The following PCDHGA5 variants were observed in gnomAD, a reference collection of about 807,000 sequenced individuals.
The protein encoded by PCDHGA5 is protocadherin gamma-A5.
Under a neutral mutation model 56.7 loss-of-function variants are expected in PCDHGA5, and 36 were observed. The observed-to-expected ratio is 0.64, with a 90% confidence interval of 0.49 to 0.84. The LOEUF is 0.84. Ranked by LOEUF, PCDHGA5 falls within the 40% of genes least tolerant of loss-of-function variation. The pLI is 0.00. For synonymous variants in PCDHGA5, 563 were observed against 520.2 expected (o/e 1.08, Z -1.12); for missense variants, 1,305 against 1,201.5 (o/e 1.09, Z -1.27).
Position 141,364,567 on chromosome 5 carries a change from G to C in PCDHGA5, c.237G>C (p.Pro79=). The change falls in exon 1 of 4, where the codon CCG becomes CCC. Residue 79 remains proline (P), a synonymous_variant. Coordinates refer to ENST00000518069, the MANE Select transcript of PCDHGA5 (RefSeq NM_018918.3). ...GGACGCAGCTTTTTGCCCTGAACCC[G>C]CGAAGCGGCAGCTTGGTCACCGCGG... ...RGRTQLFALN[P]RSGSLVTAGR... is the part of the protein sequence containing the mutation. The C allele has an allele frequency of 6.2e-7, 1 of 1,614,130 alleles. No individual in the cohort carries two copies. Among genetic ancestry groups the C allele is most frequent in the Non-Finnish European group, 8.5e-7 (1 of 1,179,962 alleles).
In PCDHGA5 at chr5:141,490,347, G is replaced by T; in HGVS notation, c.2422-4460G>T. On this transcript the variant is annotated intron_variant, in intron 1 of 3. Coordinates refer to ENST00000518069, the MANE Select transcript of PCDHGA5 (RefSeq NM_018918.3). This position sits in a 1 kb window ranked among gnomAD's most constrained non-coding sequence, Gnocchi z 5.4. ...AGAGCACACCAGTGGGCACAGTAGT[G>T]GGGTTGTTTAATGTGCGAGACCGGG... 1 of 1,614,180 alleles carries T rather than the reference G, an allele frequency of 6.2e-7. No homozygotes were observed.
intron 1 of PCDHGA5, chr5:141,372,459 C>CT: frequency 6.2e-7 from 1 of 1,614,070 alleles, no homozygotes; most frequent in South Asian, 1.1e-5. Context: ...GGCGGAGCTA[C>CT]AGTTTCACCT....
rs772659046 is a variant in PCDHGA5 at position 141,426,970 on chromosome 5, A to C, written c.2421+60219A>C. On this transcript the variant is annotated intron_variant, in intron 1 of 3. Coordinates refer to ENST00000518069, the MANE Select transcript of PCDHGA5 (RefSeq NM_018918.3). Reference sequence around the variant, plus strand: ...ACTGGCACTGCTGCAATTCAAATTGAGGTCACTGATGCCAACGATAATGCC... The same window carrying C: ...ACTGGCACTGCTGCAATTCAAATTGCGGTCACTGATGCCAACGATAATGCC... 72 of 456,624 alleles carry C rather than the reference A, an allele frequency of 1.6e-4. No homozygotes were observed. In the Middle Eastern group the frequency reaches 1.6e-3, roughly 10 times the overall value. The allele number at this position is 456,624 out of a possible 1,614,324, so 28.3% of individuals were successfully genotyped here. A position where few individuals can be genotyped will look rare whatever the true frequency, so the allele number is the denominator to read the frequency against.
intron 3 of PCDHGA5, among the ~76,000 whole-genome samples, chr5:141,510,378 C>A (rs919650449): frequency 6.6e-6 from 1 of 151,786 alleles, no homozygotes; most frequent in East Asian, 2.0e-4. Flanking sequence ...TCTACTCGTG[C>A]CAGGCCTTGC....
Position 141,366,528 on chromosome 5 carries a change from C to T in PCDHGA5, c.2198C>T (p.Ala733Val), listed in dbSNP as rs777450935. ...CTTCAGGCTGAAGGCAGCAGGTTGG[C>T]GGGTGTGCCCGCCTCGCACTTTGTG... Reference protein sequence around the residue: ...RLLQAEGSRLAGVPASHFVGV... With the variant: ...RLLQAEGSRLVGVPASHFVGV... The change falls in exon 1 of 4, where the codon GCG (alanine) becomes GTG (valine). Residue 733 changes from alanine (A) to valine (V), a missense_variant. Transcript: ENST00000518069. 1.9e-6 allele frequency: 3 copies of T among 1,614,208 alleles called. No homozygotes were observed. Among genetic ancestry groups the T allele is most frequent in the Non-Finnish European group, 2.5e-6 (3 of 1,180,036 alleles).
intron 2 of PCDHGA5, among the ~76,000 whole-genome samples, chr5:141,500,587 C>T (rs1418158417): frequency 6.6e-5 from 10 of 152,170 alleles, no homozygotes; most frequent in South Asian, 2.1e-4. Flanking sequence ...ACACTTTATT[C>T]ACATATTAAG....
intron 2 of PCDHGA5, among the ~76,000 whole-genome samples, chr5:141,502,002 C>T (rs1434269040): frequency 1.3e-5 from 2 of 152,164 alleles, no homozygotes; most frequent in South Asian, 2.1e-4. Context: ...CCTGACAACC[C>T]GCATGCTCTC....
rs914637211 is a variant in PCDHGA5, at chr5:141,422,245, G to C, written c.2421+55494G>C. The C allele has an allele frequency of 2.2e-5, 34 of 1,566,540 alleles. No individual in the cohort carries two copies. Among genetic ancestry groups the C allele is most frequent in the Non-Finnish European group, 2.8e-5 (32 of 1,162,588 alleles). On this transcript the variant is annotated intron_variant, in intron 1 of 3. Coordinates refer to ENST00000518069, the MANE Select transcript of PCDHGA5 (RefSeq NM_018918.3). ...CACGACGATGTTGATCACTGTTGTG[G>C]ATGTGAATGATAACGCTCCAGAAAT...
At chr5:141,434,080 A>G (rs775751994) in intron 1 of PCDHGA5, among the ~76,000 whole-genome samples, 2 of 152,042 alleles carry the variant, frequency 1.3e-5, no homozygotes, top group Non-Finnish European at 2.9e-5. Flanking sequence ...TCAATTATTT[A>G]TTTTGATGCT....
chr5:141,410,087 G>A (rs1427716409), intron 1 of PCDHGA5: 1 of 1,612,482 alleles, frequency 6.2e-7, no homozygotes, highest in African/African-American at 1.3e-5. Flanking sequence ...GGTGCGCACG[G>A]CTCGAGCCTT....
At chr5:141,427,857 G>A (rs746661329) in intron 1 of PCDHGA5, 36 of 1,554,574 alleles carry the variant, frequency 2.3e-5, no homozygotes, top group Non-Finnish European at 2.9e-5. Context: ...GCAGCTGTGC[G>A]CCTTCGAGCT....
chr5:141,465,366 A>G (rs2099102089), intron 1 of PCDHGA5, among the ~76,000 whole-genome samples: 1 of 152,154 alleles, frequency 6.6e-6, no homozygotes, highest in Non-Finnish European at 1.5e-5. Flanking sequence ...GGTGCCCTTT[A>G]AAGTTGTAAG....
At position 141,505,394 on chromosome 5, in the gene PCDHGA5, T is replaced by C; in HGVS notation, c.2482T>C (p.Ser828Pro). 6.2e-7 allele frequency: 1 copy of C among 1,614,110 alleles called. No homozygotes were observed. The highest frequency in any genetic ancestry group is 8.5e-7 in the Non-Finnish European group (1 of 1,180,002). The part of the protein sequence containing the change: ...SQAQRPGTSG[S>P]QNGDDTGTWP... ...CTCACCATCCTACTCTCTCCCCAGC[T>C]CCCAAAATGGCGATGACACCGGCAC... Residue 828 changes from serine (S) to proline (P), a missense_variant and splice_region_variant, in exon 3 of 4, where the codon TCC becomes CCC. By Grantham distance (74) the Ser-to-Pro change is moderately conservative. Coordinates refer to ENST00000518069, the MANE Select transcript of PCDHGA5 (RefSeq NM_018918.3).
At chr5:141,376,460 A>G (rs1437479138) in intron 1 of PCDHGA5, 3 of 1,614,038 alleles carry the variant, frequency 1.9e-6, no homozygotes, top group Non-Finnish European at 2.5e-6. Context: ...GCCTCTTCTG[A>G]TAACTCAGGA....
intron 1 of PCDHGA5, chr5:141,417,573 C>A: frequency 2.7e-6 from 1 of 377,070 alleles, no homozygotes; most frequent in Non-Finnish European, 4.7e-6. Flanking sequence ...AGTCAAGTTG[C>A]AGTCCCACAC....
intron 1 of PCDHGA5, among the ~76,000 whole-genome samples, chr5:141,467,824 G>A (rs1272399938): frequency 2.0e-5 from 3 of 151,798 alleles, no homozygotes; most frequent in Non-Finnish European, 4.4e-5. Flanking sequence ...ACACCAGGCT[G>A]ATTTTTATAT....
rs180741728 is a variant in PCDHGA5 at position 141,505,088 on chromosome 5, G to A, written c.2481-305G>A. Among the ~76,000 whole-genome samples the A allele has an allele frequency of 3.7e-3, 563 of 152,300 alleles. 5 individuals carry two copies. Among genetic ancestry groups the A allele is most frequent in the Admixed American group, 0.011 (163 of 15,294 alleles). On this transcript the variant is annotated intron_variant, in intron 2 of 3. Coordinates refer to ENST00000518069, the MANE Select transcript of PCDHGA5 (RefSeq NM_018918.3). ...GAGGCAGGAGAATCGCTTGAACCCA[G>A]GAGGTGGATGTTGCAATGAGCCAAG...
At chr5:141,430,909 G>A (rs1054175762) in intron 1 of PCDHGA5, 2 of 1,607,160 alleles carry the variant, frequency 1.2e-6, no homozygotes, top group Non-Finnish European at 1.7e-6. Context: ...ACATCTCCAG[G>A]GACCTGGGGC....
intron 2 of PCDHGA5, among the ~76,000 whole-genome samples, chr5:141,502,866 C>CTCTTTTTT (rs1554188502): frequency 2.3e-5 from 3 of 128,046 alleles, no homozygotes; most frequent in Non-Finnish European, 3.2e-5. Flanking sequence ...GACTCTCTGT[C>CTCTTTTTT]TTTTTTTTTT....
Sources: gnomAD v4.1 joint callset for allele counts (sites outside exome capture counted in the v4.1 genomes callset) on GRCh38, gnomAD v4.1.1 for gene constraint, Gnocchi (gnomAD v3.1) non-coding constraint, MANE v1.5 for transcripts, NCBI Gene and HGNC (gene_info 2026-07-23, HGNC 2026-07-21) for gene names.